Variants in CCDC150 observed in about 807,000 individuals in gnomAD.
CCDC150 encodes the protein coiled-coil domain-containing protein 150.
A neutral mutation model predicts 156.5 loss-of-function variants in CCDC150; 151 were observed. That is an observed-to-expected ratio of 0.97 (90% CI 0.85 to 1.10). The LOEUF (loss-of-function observed/expected upper bound fraction) is 1.10, where lower values mean the gene tolerates loss of function less well. Among genes scored for constraint, CCDC150 ranks in the 50% least tolerant of loss-of-function variants. The probability of loss-of-function intolerance (pLI) is 0.00; values close to 1 mark genes in which losing one functional copy is unlikely to be tolerated. For missense variants in CCDC150, 1,312 were observed against 1,268.1 expected, an observed-to-expected ratio of 1.03 and a Z score of -0.53; for synonymous variants, 452 against 429.4, an observed-to-expected ratio of 1.05 and a Z score of -0.65.
At chr2:196,699,391 G>A (rs905584143) in intron 14 of CCDC150, among the ~76,000 whole-genome samples, 10 of 152,244 alleles carry the variant, frequency 6.6e-5, no homozygotes, top group African/African-American at 2.2e-4. Context: ...TTATATTAAA[G>A]GTGTATGATT....
At chr2:196,658,198 G>A (rs1261353198) in intron 4 of CCDC150, among the ~76,000 whole-genome samples, 1 of 152,082 alleles carries the variant, frequency 6.6e-6, no homozygotes, top group South Asian at 2.1e-4. Flanking sequence ...TGAGGCATGA[G>A]CCAAATTAGG....
chr2:196,715,306 G>C (rs1299741987), intron 17 of CCDC150, among the ~76,000 whole-genome samples: 4 of 152,164 alleles, frequency 2.6e-5, no homozygotes, highest in Admixed American at 2.6e-4. Flanking sequence ...TTGCAATACT[G>C]CTTCAAGATA....
intron 13 of CCDC150, among the ~76,000 whole-genome samples, chr2:196,682,501 A>G (rs1694897917): frequency 6.6e-6 from 1 of 152,072 alleles, no homozygotes; most frequent in Non-Finnish European, 1.5e-5. Flanking sequence ...TCTGTAAAAA[A>G]GAACAGCTGG....
At chr2:196,710,991 T>C (rs1697076373) in intron 15 of CCDC150, among the ~76,000 whole-genome samples, 1 of 152,202 alleles carries the variant, frequency 6.6e-6, no homozygotes, top group Non-Finnish European at 1.5e-5. Context: ...CACTCTAATC[T>C]ACCATTGGCC....
intron 2 of CCDC150, among the ~76,000 whole-genome samples, chr2:196,655,268 A>G (rs956920423): frequency 6.6e-6 from 1 of 152,200 alleles, no homozygotes; most frequent in South Asian, 2.1e-4. Context: ...CCCGTTTTAT[A>G]TCTACCTCTT....
chr2:196,729,917 AG>A (rs1356154572), intron 24 of CCDC150, 39 bp from the exon 25 acceptor site: 2 of 1,607,000 alleles, frequency 1.2e-6, no homozygotes, highest in Non-Finnish European at 1.7e-6. Flanking sequence ...TCAAACTTGG[AG>A]GGTGTTCACC....
At chr2:196,725,123 A>T (rs1411103814) in intron 21 of CCDC150, among the ~76,000 whole-genome samples, 1 of 152,146 alleles carries the variant, frequency 6.6e-6, no homozygotes, top group African/African-American at 2.4e-5. Flanking sequence ...ATATTATACA[A>T]ATAAGAGCAA....
chr2:196,682,741 G>A (rs1051703264), intron 13 of CCDC150, among the ~76,000 whole-genome samples: 1 of 151,998 alleles, frequency 6.6e-6, no homozygotes, highest in Non-Finnish European at 1.5e-5. Flanking sequence ...ATTTTGTTAT[G>A]CATTATCATT....
intron 5 of CCDC150, among the ~76,000 whole-genome samples, chr2:196,660,078 T>C (rs1482592900): frequency 6.6e-6 from 1 of 152,134 alleles, no homozygotes; most frequent in African/African-American, 2.4e-5. Flanking sequence ...TATGTAGTCT[T>C]TTTTGTACTG....
chr2:196,647,147 C>A (rs16855804), intron 2 of CCDC150, among the ~76,000 whole-genome samples: 3,648 of 151,928 alleles, frequency 0.024, 158 homozygotes, highest in African/African-American at 0.083. Context: ...TGGTATAATA[C>A]CCATGGAATA....
At chr2:196,708,758 A>C (rs958419854) in intron 15 of CCDC150, among the ~76,000 whole-genome samples, 2 of 152,116 alleles carry the variant, frequency 1.3e-5, no homozygotes. Context: ...TTTCTCCTTC[A>C]CTTATGAAGC....
intron 8 of CCDC150, 133 bp from the exon 9 acceptor site, chr2:196,672,212 G>T: frequency 2.3e-6 from 1 of 428,052 alleles, no homozygotes. Flanking sequence ...TTCTTTATAA[G>T]ACATTTATAA....
chr2:196,694,052 ATTT>A (rs57421391), intron 13 of CCDC150, among the ~76,000 whole-genome samples: 12 of 79,426 alleles, frequency 1.5e-4, no homozygotes, highest in Non-Finnish European at 2.7e-4. Flanking sequence ...TTTGTGGAAG[ATTT>A]TTTTTTTTTT....
chr2:196,675,472 A>T (rs1694438540), intron 10 of CCDC150, among the ~76,000 whole-genome samples: 1 of 152,172 alleles, frequency 6.6e-6, no homozygotes, highest in African/African-American at 2.4e-5. Context: ...GAAGTTTTTT[A>T]AAAAGTATTT....
At chr2:196,708,067 C>T (rs564530461) in intron 15 of CCDC150, among the ~76,000 whole-genome samples, 40 of 152,218 alleles carry the variant, frequency 2.6e-4, no homozygotes, top group African/African-American at 9.2e-4. Context: ...TCCTTGTTAA[C>T]CTTCTGTCTC....
chr2:196,665,533 A>C (rs1025284090), intron 5 of CCDC150, 34 bp from the exon 6 acceptor site: 1 of 1,296,906 alleles, frequency 7.7e-7, no homozygotes, highest in South Asian at 1.3e-5. Context: ...AGTATGATCA[A>C]TTGGTCTTGC....
At chr2:196,729,677 C>G in intron 23 of CCDC150, 116 bp from the exon 24 acceptor site, 1 of 751,692 alleles carries the variant, frequency 1.3e-6, no homozygotes, top group Non-Finnish European at 2.2e-6. Flanking sequence ...GAAAGCTCAG[C>G]AGGAACTGGT....
intron 5 of CCDC150, among the ~76,000 whole-genome samples, chr2:196,661,023 C>T (rs1371461210): frequency 6.6e-6 from 1 of 152,144 alleles, no homozygotes; most frequent in Non-Finnish European, 1.5e-5. Flanking sequence ...TGTGGATGTC[C>T]AGTGTTTCCA....
Position 196,658,713 on chromosome 2 carries a change from G to T in CCDC150, c.577-79G>T, listed in dbSNP as rs1362482798. 6.8e-6 allele frequency: 7 copies of T among 1,024,082 alleles called. 1 individual carries two copies. The highest frequency in any genetic ancestry group is 1.0e-5 in the Non-Finnish European group (7 of 697,502). 63.4% of individuals were successfully genotyped at this position (1,024,082 alleles called of 1,614,324 possible). On this transcript the variant is annotated intron_variant, in intron 4 of 27. Transcript: ENST00000389175. ...TTTATAGGTTGCCAGAAAAAAACCT[G>T]ATTTGATCTGATATACCTATAGACA... is the stretch of plus-strand genomic sequence containing the variant.
Sources: gnomAD v4.1 joint callset for allele counts (sites outside exome capture counted in the v4.1 genomes callset) on GRCh38, gnomAD v4.1.1 for gene constraint, MANE v1.5 for transcripts, NCBI Gene and HGNC (gene_info 2026-07-23, HGNC 2026-07-21) for gene names.